TPTE2: variants seen among roughly 807,000 people sequenced by gnomAD.
TPTE2 encodes transmembrane phosphoinositide 3-phosphatase and tensin homolog 2, also known as phosphatidylinositol 3,4,5-trisphosphate 3-phosphatase TPTE2.
In TPTE2, 53 loss-of-function variants were observed where a neutral mutation model predicts 78.6. The ratio of observed to expected loss-of-function variants is 0.67; its 90% CI spans 0.54 to 0.85. The LOEUF is 0.85. Among genes scored for constraint, TPTE2 ranks in the 40% least tolerant of loss-of-function variants. The probability of loss-of-function intolerance (pLI) is 0.00; values close to 1 mark genes in which losing one functional copy is unlikely to be tolerated. For synonymous variants in TPTE2, 175 were observed against 206.2 expected (o/e 0.85, Z 1.30); for missense variants, 461 against 623.0 (o/e 0.74, Z 2.77).
At chr13:19,507,779 C>T (rs577269787), upstream of TPTE2, among the ~76,000 whole-genome samples, 80 of 152,270 alleles carry the variant, frequency 5.3e-4, no homozygotes, top group African/African-American at 1.3e-3. Context: ...TCAAATAAGA[C>T]GAAACATCCA....
upstream of TPTE2, among the ~76,000 whole-genome samples, chr13:19,538,241 G>A (rs531170824): frequency 6.6e-5 from 10 of 151,710 alleles, no homozygotes; most frequent in Non-Finnish European, 1.0e-4. Flanking sequence ...TTCTTTTTGA[G>A]ACGGAGTCTC....
intron 3 of TPTE2, among the ~76,000 whole-genome samples, chr13:19,485,730 CT>C (rs973880280): frequency 6.6e-6 from 1 of 151,670 alleles, no homozygotes; most frequent in Non-Finnish European, 1.5e-5. Context: ...CTTTTTTATC[CT>C]TTTTTGCCTG....
At chr13:19,439,052 C>T (rs373198600) in intron 13 of TPTE2, among the ~76,000 whole-genome samples, 2 of 152,300 alleles carry the variant, frequency 1.3e-5, no homozygotes, top group East Asian at 3.9e-4. Flanking sequence ...CCGGCATTTT[C>T]CCAAACCTGG....
At chr13:19,439,172 A>T (rs1877322290) in intron 13 of TPTE2, among the ~76,000 whole-genome samples, 1 of 152,148 alleles carries the variant, frequency 6.6e-6, no homozygotes, top group African/African-American at 2.4e-5. Context: ...ATGTGTACTC[A>T]GGAAATCAGC....
upstream of TPTE2, among the ~76,000 whole-genome samples, chr13:19,539,140 T>C (rs1871367186): frequency 6.6e-6 from 1 of 152,208 alleles, no homozygotes; most frequent in Non-Finnish European, 1.5e-5. Context: ...AGAGCCCTCA[T>C]GATCCAATCA....
At chr13:19,561,263 T>A in the TPTE2 span, 1 of 1,246,494 alleles carries the variant, frequency 8.0e-7, no homozygotes, top group African/African-American at 1.5e-5. Flanking sequence ...GACATGGCGC[T>A]GGTCACCTGA....
chr13:19,474,498 G>T (rs1287265567), intron 5 of TPTE2, among the ~76,000 whole-genome samples: 3 of 152,104 alleles, frequency 2.0e-5, no homozygotes, highest in Non-Finnish European at 2.9e-5. Flanking sequence ...TAATTCTAAA[G>T]AATTTATTAA....
chr13:19,520,819 T>C (rs1261475527), intron 1 of TPTE2, among the ~76,000 whole-genome samples: 3 of 152,150 alleles, frequency 2.0e-5, no homozygotes, highest in East Asian at 3.9e-4. Flanking sequence ...TCTCAAAATA[T>C]GTTCTGATTT....
intron 10 of TPTE2, among the ~76,000 whole-genome samples, chr13:19,457,349 A>G (rs1410597505): frequency 3.3e-5 from 5 of 152,210 alleles, no homozygotes; most frequent in African/African-American, 4.8e-5. Flanking sequence ...GGGCATATGT[A>G]TATACAGATA....
rs1880661802 is a variant in TPTE2 at position 19,486,378 on chromosome 13, C to A, written c.120-3831G>T. 6.6e-6 allele frequency among the ~76,000 whole-genome samples: 1 copy of A among 152,168 alleles called. No homozygotes were observed. Among genetic ancestry groups the A allele is most frequent in the Non-Finnish European group, 1.5e-5 (1 of 68,026 alleles). On this transcript the variant is annotated intron_variant, in intron 3 of 19. Transcript: ENST00000400230. This position sits in a 1 kb window ranked among gnomAD's most constrained non-coding sequence, Gnocchi z 4.3. ...CAGGGGTGGGCTCACTGGGCTGTTTCTCAGGGTAGGGGTGTGTGCAGGCAT... is the reference window on the plus strand; with the variant it reads ...CAGGGGTGGGCTCACTGGGCTGTTTATCAGGGTAGGGGTGTGTGCAGGCAT...
At chr13:19,556,947 G>C in the TPTE2 span, among the ~76,000 whole-genome samples, 3 of 152,160 alleles carry the variant, frequency 2.0e-5, no homozygotes, top group Admixed American at 6.5e-5. Context: ...TCTTATTTCT[G>C]TTTTAGACTT....
chr13:19,482,655 A>G, intron 3 of TPTE2, 108 bp from the exon 7 acceptor site: 3 of 1,396,784 alleles, frequency 2.1e-6, no homozygotes, highest in Non-Finnish European at 2.9e-6. Flanking sequence ...TCTAAAGGAT[A>G]TAGTAAACAT....
chr13:19,460,323 C>T (rs1043141945), intron 10 of TPTE2, among the ~76,000 whole-genome samples: 6 of 152,216 alleles, frequency 3.9e-5, no homozygotes, highest in South Asian at 2.1e-4. Flanking sequence ...GGCTCCATGC[C>T]GCCCCCGGCT....
At chr13:19,484,566 G>T (rs1233988592) in intron 3 of TPTE2, among the ~76,000 whole-genome samples, 2 of 152,180 alleles carry the variant, frequency 1.3e-5, no homozygotes, top group Admixed American at 1.3e-4. Context: ...GTGGGATATG[G>T]AAGTGCCCAA....
At chr13:19,448,544 G>C (rs1877979385) in intron 13 of TPTE2, among the ~76,000 whole-genome samples, 1 of 152,172 alleles carries the variant, frequency 6.6e-6, no homozygotes, top group Non-Finnish European at 1.5e-5. Flanking sequence ...AACGGAAATG[G>C]CCAAGAGGTA....
intron 6 of TPTE2, among the ~76,000 whole-genome samples, chr13:19,471,262 T>C (rs1879598427): frequency 6.6e-6 from 1 of 152,154 alleles, no homozygotes; most frequent in African/African-American, 2.4e-5. Context: ...AAAAGCTTAG[T>C]CTGCTGACAC....
intron 3 of TPTE2, among the ~76,000 whole-genome samples, chr13:19,490,318 G>C (rs970468300): frequency 6.6e-6 from 1 of 151,928 alleles, no homozygotes; most frequent in African/African-American, 2.4e-5. Context: ...TGTTATCCTA[G>C]ACTTAATTTT....
exon 9 of TPTE2, chr13:19,465,277 G>A: frequency 1.2e-6 from 2 of 1,613,866 alleles, no homozygotes; most frequent in Non-Finnish European, 1.7e-6. Context: ...TGAGGTCTAG[G>A]TCAAATCCAT....
Position 19,425,367 on chromosome 13 carries a change from A to G in TPTE2, c.1396-350T>C, listed in dbSNP as rs957471214. ...CCCAACTACATTGTAGTGAATTCTT[A>G]TAATTTTTTTGTTGCCTCAGCATCC... On this transcript the variant is annotated intron_variant, in intron 18 of 19. Transcript: ENST00000400230. 1.2e-4 allele frequency among the ~76,000 whole-genome samples: 19 copies of G among 152,192 alleles called. 1 individual carries two copies. The highest frequency in any genetic ancestry group is 4.6e-4 in the African/African-American group (19 of 41,438).
Sources: allele counts gnomAD v4.1 joint callset (sites outside exome capture counted in the v4.1 genomes callset), GRCh38; gene constraint gnomAD v4.1.1; non-coding constraint Gnocchi (gnomAD v3.1); transcripts MANE v1.5; gene names NCBI Gene and HGNC (gene_info 2026-07-23, HGNC 2026-07-21).